The following DDX50 variants were observed in gnomAD, a reference collection of about 807,000 sequenced individuals.
DDX50 encodes DExD-box helicase 50, also known as ATP-dependent RNA helicase DDX50.
DDX50 carries 56 observed loss-of-function variants against 94.8 expected under a neutral mutation model. The observed-to-expected ratio is 0.59, with a 90% confidence interval of 0.48 to 0.74. The LOEUF (loss-of-function observed/expected upper bound fraction) is 0.74. Ranked by LOEUF, DDX50 falls within the 30% of genes least tolerant of loss-of-function variation. The pLI, the probability that DDX50 is intolerant of heterozygous loss-of-function variation, is 0.00. For missense variants in DDX50, 713 were observed against 881.2 expected, an observed-to-expected ratio of 0.81 and a Z score of 2.42; for synonymous variants, 264 against 295.4, an observed-to-expected ratio of 0.89 and a Z score of 1.09.
At chr10:68,903,774 C>T (rs1036365820) in intron 1 of DDX50, among the ~76,000 whole-genome samples, 2 of 151,532 alleles carry the variant, frequency 1.3e-5, no homozygotes, top group African/African-American at 2.4e-5. Flanking sequence ...GCACTGCAGC[C>T]TGGGTGACAC....
intron 8 of DDX50, among the ~76,000 whole-genome samples, chr10:68,924,437 G>C (rs1273452963): frequency 6.6e-6 from 1 of 152,110 alleles, no homozygotes; most frequent in Non-Finnish European, 1.5e-5. Flanking sequence ...ATGTGCCACT[G>C]TTCCCAGCTT....
At chr10:68,931,283 C>T (rs575140095) in intron 8 of DDX50, among the ~76,000 whole-genome samples, 3 of 150,812 alleles carry the variant, frequency 2.0e-5, no homozygotes, top group Non-Finnish European at 4.4e-5. Flanking sequence ...AATAGGTGGT[C>T]ATTGCCACCA....
At chr10:68,942,331 G>A (rs1218209777) in intron 13 of DDX50, among the ~76,000 whole-genome samples, 1 of 152,092 alleles carries the variant, frequency 6.6e-6, no homozygotes, top group Non-Finnish European at 1.5e-5. Context: ...TTACTGCATA[G>A]GTTCATTCTA....
chr10:68,934,497 A>C lies in DDX50; in HGVS notation c.1401+137A>C. On this transcript the variant is annotated intron_variant, in intron 9 of 14. Coordinates refer to ENST00000373585, the MANE Select transcript of DDX50 (RefSeq NM_024045.2). This position sits in a 1 kb window ranked among gnomAD's most constrained non-coding sequence, Gnocchi z 4.0. ...GCCATTTTTTGTTAGTGTGCTATTA[A>C]ATTTATCAGATTCTGATACTTTTGC... is the stretch of plus-strand genomic sequence containing the variant. The C allele has an allele frequency of 2.5e-6, 3 of 1,214,330 alleles. No homozygotes were observed. Among genetic ancestry groups the C allele is most frequent in the Non-Finnish European group, 3.4e-6 (3 of 873,172 alleles). The allele number at this position is 1,214,330 out of a possible 1,614,324, so 75.2% of individuals were successfully genotyped here.
chr10:68,907,408 C>T (rs1046399242), intron 2 of DDX50, among the ~76,000 whole-genome samples: 2 of 151,306 alleles, frequency 1.3e-5, no homozygotes, highest in Admixed American at 6.6e-5. Flanking sequence ...CTCTGCCTCC[C>T]GGGTTGAAGC....
chr10:68,921,617 T>C (rs1029835964), intron 8 of DDX50, among the ~76,000 whole-genome samples: 1 of 152,222 alleles, frequency 6.6e-6, no homozygotes, highest in East Asian at 1.9e-4. Flanking sequence ...TCAGTCCTTA[T>C]GTCACTGTCT....
intron 1 of DDX50, among the ~76,000 whole-genome samples, chr10:68,905,209 G>A (rs180918045): frequency 9.6e-4 from 146 of 152,156 alleles, no homozygotes; most frequent in African/African-American, 3.2e-3. Context: ...GAACCACCAC[G>A]GCTAGCCACC....
intron 7 of DDX50, among the ~76,000 whole-genome samples, chr10:68,919,472 A>G (rs1212905141): frequency 6.6e-6 from 1 of 152,106 alleles, no homozygotes; most frequent in African/African-American, 2.4e-5. Context: ...TTCTTCCACA[A>G]TTGATTGGTT....
At chr10:68,917,856 G>A (rs868745962) in intron 7 of DDX50, among the ~76,000 whole-genome samples, 6 of 152,094 alleles carry the variant, frequency 3.9e-5, no homozygotes, top group East Asian at 1.9e-4. Flanking sequence ...ACCTGCCTCC[G>A]GCTCCCAAAG....
intron 8 of DDX50, among the ~76,000 whole-genome samples, chr10:68,930,367 C>T (rs1842229394): frequency 6.6e-6 from 1 of 151,924 alleles, no homozygotes; most frequent in Non-Finnish European, 1.5e-5. Flanking sequence ...ATCCACCCGC[C>T]TTGCCCTTCC....
intron 10 of DDX50, among the ~76,000 whole-genome samples, chr10:68,935,360 T>G (rs1842378422): frequency 6.6e-6 from 1 of 152,208 alleles, no homozygotes; most frequent in Admixed American, 6.5e-5. Context: ...CAATTTCATA[T>G]ACTTTGTAAA....
intron 1 of DDX50, 77 bp downstream of exon 1, chr10:68,901,548 A>G (rs902449511): frequency 2.8e-6 from 4 of 1,439,734 alleles, no homozygotes; most frequent in Non-Finnish European, 3.8e-6. Context: ...GTCCCTGATG[A>G]TGGCCTGTCA....
chr10:68,908,863 C>T (rs1210744998), intron 2 of DDX50, among the ~76,000 whole-genome samples: 2 of 152,084 alleles, frequency 1.3e-5, no homozygotes, highest in East Asian at 3.9e-4. Context: ...CCAGACTGGT[C>T]TTGAACTCCT....
At chr10:68,907,342 GTC>G (rs1415458031) in intron 2 of DDX50, among the ~76,000 whole-genome samples, 2 of 133,412 alleles carry the variant, frequency 1.5e-5, no homozygotes, top group Non-Finnish European at 3.1e-5. Flanking sequence ...TTGAGTCAGA[GTC>G]TCTCTCTGTT....
chr10:68,935,926 C>T lies in DDX50; in HGVS notation c.1522-80C>T. ...TCTTTAAATGCAAGAAATAGAAATT[C>T]AACGAACTATTAAAATATTAATTTA... is the stretch of plus-strand genomic sequence containing the variant. On this transcript the variant is annotated intron_variant, in intron 10 of 14. Coordinates refer to ENST00000373585, the MANE Select transcript of DDX50 (RefSeq NM_024045.2). 9.7e-6 allele frequency: 9 copies of T among 924,156 alleles called. No homozygotes were observed. In the East Asian group the frequency reaches 2.2e-4, roughly 23 times the overall value. 57.2% of individuals were successfully genotyped at this position (924,156 alleles called of 1,614,324 possible).
At chr10:68,917,547 T>A (rs1253664210) in intron 7 of DDX50, among the ~76,000 whole-genome samples, 1 of 152,178 alleles carries the variant, frequency 6.6e-6, no homozygotes, top group African/African-American at 2.4e-5. Flanking sequence ...TTTTTCCTTA[T>A]TTTTTTACTG....
intron 8 of DDX50, among the ~76,000 whole-genome samples, chr10:68,932,572 T>C (rs1003578259): frequency 2.0e-5 from 3 of 152,226 alleles, no homozygotes; most frequent in South Asian, 2.1e-4. Context: ...ATCATTGTTA[T>C]GAACTTTTTG....
rs188298524 is a variant in DDX50, at chr10:68,934,026, A to G, written c.1240-173A>G. On this transcript the variant is annotated intron_variant, in intron 8 of 14. Coordinates refer to ENST00000373585, the MANE Select transcript of DDX50 (RefSeq NM_024045.2). The surrounding 1 kb of genome is among the most constrained non-coding windows in gnomAD (Gnocchi z 4.0). Reference sequence around the variant, plus strand: ...AGTATTAGGGAAGCTTTTACATTTTATGTTAAATATTTTCTGTCATGTTTG... The same window carrying G: ...AGTATTAGGGAAGCTTTTACATTTTGTGTTAAATATTTTCTGTCATGTTTG... Among the ~76,000 whole-genome samples, 3 of 150,976 alleles carry G rather than the reference A, an allele frequency of 2.0e-5. No homozygotes were observed. The highest frequency in any genetic ancestry group is 7.3e-5 in the African/African-American group (3 of 41,270).
chr10:68,946,655 G>A lies in DDX50; in HGVS notation c.*25G>A. 3 of 1,599,554 alleles carry A rather than the reference G, an allele frequency of 1.9e-6. No individual in the cohort carries two copies. The highest frequency in any genetic ancestry group is 2.6e-6 in the Non-Finnish European group (3 of 1,170,988). On this transcript the variant is annotated 3_prime_UTR_variant, in exon 15 of 15. Coordinates refer to ENST00000373585, the MANE Select transcript of DDX50 (RefSeq NM_024045.2). ...AGTATTTGATAGTTAATCTACCAGT[G>A]TGAGCTTGCCTATTTCTGCCTAATC...
Sources: gnomAD v4.1 joint callset for allele counts (sites outside exome capture counted in the v4.1 genomes callset) on GRCh38, gnomAD v4.1.1 for gene constraint, Gnocchi (gnomAD v3.1) non-coding constraint, MANE v1.5 for transcripts, NCBI Gene and HGNC (gene_info 2026-07-23, HGNC 2026-07-21) for gene names.